AMBN: variants seen among roughly 807,000 people sequenced by gnomAD.
The protein encoded by AMBN is enamel matrix protein.
Under a neutral mutation model 48.0 loss-of-function variants are expected in AMBN, and 54 were observed. That is an observed-to-expected ratio of 1.12 (90% CI 0.90 to 1.41). The LOEUF (loss-of-function observed/expected upper bound fraction) is 1.41. Among genes scored for constraint, AMBN ranks in the 40% most tolerant of loss-of-function variants. The pLI, the probability that AMBN is intolerant of heterozygous loss-of-function variation, is 0.00. For missense variants in AMBN, 571 were observed against 547.3 expected (o/e 1.04, Z -0.43); for synonymous variants, 186 against 190.0 (o/e 0.98, Z 0.17).
Position 70,606,359 on chromosome 4 carries a change from G to A in AMBN, c.973G>A (p.Gly325Ser). 1 of 1,614,032 alleles carries A rather than the reference G, an allele frequency of 6.2e-7. No homozygotes were observed. Among genetic ancestry groups the A allele is most frequent in the Non-Finnish European group, 8.5e-7 (1 of 1,179,976 alleles). The change falls in exon 13 of 13, where the codon GGC (glycine) becomes AGC (serine). Residue 325 changes from glycine to serine, a missense_variant. Coordinates refer to ENST00000322937, the MANE Select transcript of AMBN (RefSeq NM_016519.6). ...TGAGAACGAAGAAGGAGGTGCACAA[G>A]GCTCCCCTATGCCGGAGGCCAACCC... ...GPENEEGGAQ[G>S]SPMPEANPDN...
chr4:70,600,783 C>G (rs1737503561), intron 5 of AMBN, among the ~76,000 whole-genome samples: 1 of 152,072 alleles, frequency 6.6e-6, no homozygotes, highest in Non-Finnish European at 1.5e-5. Flanking sequence ...ATTTTAGTTC[C>G]AGGCGGTCTT....
chr4:70,603,644 A>G (rs75194467), intron 11 of AMBN, among the ~76,000 whole-genome samples, 184 bp downstream of exon 11: 3 of 151,956 alleles, frequency 2.0e-5, no homozygotes, highest in Admixed American at 6.6e-5. Flanking sequence ...ACACACACAC[A>G]CACACGCACA....
At chr4:70,594,810 A>G (rs918015255) in intron 2 of AMBN, among the ~76,000 whole-genome samples, 2 of 152,200 alleles carry the variant, frequency 1.3e-5, no homozygotes. Flanking sequence ...ACCTGAATCA[A>G]TTGGGTCCAC....
rs2109798016 is a variant in AMBN, at chr4:70,592,313, T to G, written c.-46T>G. 1 of 1,611,492 alleles carries G rather than the reference T, an allele frequency of 6.2e-7. No homozygotes were observed. The highest frequency in any genetic ancestry group is 1.7e-4 in the Middle Eastern group (1 of 6,046). On this transcript the variant is annotated 5_prime_UTR_variant, in exon 1 of 13. Transcript: ENST00000322937. ...TGAAAAAAATTTTAATCTTCTTTTC[T>G]TAGAACTATCTTGGTTGGCATCATC...
At chr4:70,601,762 G>C in intron 6 of AMBN, 108 bp downstream of exon 6, 2 of 964,766 alleles carry the variant, frequency 2.1e-6, no homozygotes, top group Non-Finnish European at 3.2e-6. Flanking sequence ...CATAATACGT[G>C]ATATAAATAT....
rs112223321 is a variant in AMBN, at chr4:70,593,495, C to T, written c.84+100C>T. The T allele has an allele frequency of 5.7e-5, 57 of 1,008,828 alleles. No homozygotes were observed. The African/African-American group carries it at 6.6e-4, about 12-fold the overall frequency. 62.5% of individuals were successfully genotyped at this position (1,008,828 alleles called of 1,614,324 possible). A position where few individuals can be genotyped will look rare whatever the true frequency, so the allele number is the denominator to read the frequency against. ...GACTGAGAGTCCACGCATAGACTCACTTGATTTAATCCAGTGGTTTAGTCC... is the reference window on the plus strand; with the variant it reads ...GACTGAGAGTCCACGCATAGACTCATTTGATTTAATCCAGTGGTTTAGTCC... On this transcript the variant is annotated intron_variant, in intron 2 of 12. Transcript: ENST00000322937.
rs1455878390 is a variant in AMBN, at chr4:70,603,317, C to G, written c.706C>G (p.Pro236Ala). The G allele has an allele frequency of 2.2e-5, 36 of 1,613,496 alleles. No homozygotes were observed. The highest frequency in any genetic ancestry group is 2.5e-5 in the Non-Finnish European group (29 of 1,179,772). ...ACCAATGCCACAAAATAAACAATCT[C>G]CAGTAAGTTTTTTTTAATACCACAT... ...HGPMPQNKQS[P>A]LYPGMLYVPF... The change falls in exon 10 of 13, where the codon CCA becomes GCA. Residue 236 changes from proline (P) to alanine (A), a missense_variant and splice_region_variant. Coordinates refer to ENST00000322937, the MANE Select transcript of AMBN (RefSeq NM_016519.6).
rs369006341 is a variant in AMBN, at chr4:70,592,393, T to C, written c.15+20T>C. ...TCTAAGGTAAAATGGGATTTTATGA[T>C]TTCCATGTGTTTCCTGTAAATTCTT... On this transcript the variant is annotated intron_variant, in intron 1 of 12. Transcript: ENST00000322937. 2 of 1,613,582 alleles carry C rather than the reference T, an allele frequency of 1.2e-6. No homozygotes were observed. The highest frequency in any genetic ancestry group is 2.7e-5 in the African/African-American group (2 of 74,928).
chr4:70,599,940 C>A (rs1048764590), intron 5 of AMBN, among the ~76,000 whole-genome samples: 1 of 152,166 alleles, frequency 6.6e-6, no homozygotes, highest in Non-Finnish European at 1.5e-5. Flanking sequence ...ACATCCTGGA[C>A]AATTTTCATT....
At chr4:70,600,623 C>T (rs570793698) in intron 5 of AMBN, among the ~76,000 whole-genome samples, 1 of 152,274 alleles carries the variant, frequency 6.6e-6, no homozygotes, top group Non-Finnish European at 1.5e-5. Flanking sequence ...GCGAGACTTC[C>T]TTGCTGGTCT....
At chr4:70,599,055 G>A (rs557074479) in intron 4 of AMBN, among the ~76,000 whole-genome samples, 3 of 151,062 alleles carry the variant, frequency 2.0e-5, no homozygotes, top group Admixed American at 6.6e-5. Flanking sequence ...GATTAGAGGC[G>A]TGAGCCACCA....
In AMBN at chr4:70,603,015, G is replaced by A; in HGVS notation, c.648+5G>A. The A allele has an allele frequency of 6.2e-7, 1 of 1,602,556 alleles. No homozygotes were observed. Among genetic ancestry groups the A allele is most frequent in the Non-Finnish European group, 8.5e-7 (1 of 1,175,982 alleles). On this transcript the variant is annotated splice_donor_5th_base_variant and intron_variant, in intron 9 of 12. Transcript: ENST00000322937. Reference sequence around the variant, plus strand: ...GCTGATCCACAAGGTTCAACAGTAAGTACAGATCTCAATGAGACACTGTCT... The same window carrying A: ...GCTGATCCACAAGGTTCAACAGTAAATACAGATCTCAATGAGACACTGTCT...
At chr4:70,593,573 GGTAA>G (rs1467356876) in intron 2 of AMBN, among the ~76,000 whole-genome samples, 178 bp downstream of exon 2, 5 of 152,086 alleles carry the variant, frequency 3.3e-5, no homozygotes, top group Non-Finnish European at 7.4e-5. Context: ...ATCCAAAAGC[GGTAA>G]GTGATAGCCG....
Position 70,603,008 on chromosome 4 carries a change from A to T in AMBN, c.646A>T (p.Thr216Ser), listed in dbSNP as rs1427243406. 5 of 1,604,764 alleles carry T rather than the reference A, an allele frequency of 3.1e-6. No individual in the cohort carries two copies. The highest frequency in any genetic ancestry group is 2.2e-5 in the East Asian group (1 of 44,714). ...GGATTTTGCTGATCCACAAGGTTCA[A>T]CAGTAAGTACAGATCTCAATGAGAC... ...GLDFADPQGSTIFQIARLISH... is the reference protein window; with the variant it reads ...GLDFADPQGSSIFQIARLISH... The change falls in exon 9 of 13, where the codon ACA (threonine) becomes TCA (serine). Residue 216 changes from threonine to serine, a missense_variant and splice_region_variant. Transcript: ENST00000322937.
chr4:70,600,397 G>A (rs1737491617), intron 5 of AMBN, among the ~76,000 whole-genome samples: 2 of 151,866 alleles, frequency 1.3e-5, no homozygotes. Flanking sequence ...TTATTGATTA[G>A]GTGCCTAATA....
At chr4:70,600,822 C>T in intron 5 of AMBN, among the ~76,000 whole-genome samples, 1 of 152,186 alleles carries the variant, frequency 6.6e-6, no homozygotes, top group Non-Finnish European at 1.5e-5. Context: ...CACGAGGTCA[C>T]ATTCAGTAGA....
In AMBN at chr4:70,603,216, A is replaced by G. The variant is rs747854302; in HGVS notation, c.649-44A>G. On this transcript the variant is annotated intron_variant, in intron 9 of 12. Transcript: ENST00000322937. ...TACCTCAAAAATTACTGTTATGGGG[A>G]TGTGCCTGTGAGAATTACTTATTCT... 21 of 1,569,766 alleles carry G rather than the reference A, an allele frequency of 1.3e-5. No individual in the cohort carries two copies. In the Admixed American group the frequency reaches 3.2e-4, roughly 24 times the overall value.
rs758709641 is a variant in AMBN, at chr4:70,606,294, C to T, written c.908C>T (p.Thr303Ile). The T allele has an allele frequency of 8.7e-6, 14 of 1,613,982 alleles. No individual in the cohort carries two copies. Among genetic ancestry groups the T allele is most frequent in the Non-Finnish European group, 5.1e-6 (6 of 1,180,008 alleles). ...PHNPAMGGDF[T>I]LEFDSPVAAT... ...AACCCAGCTATGGGCGGTGACTTCA[C>T]TCTGGAATTTGACTCCCCAGTGGCT... Residue 303 changes from threonine (T) to isoleucine (I), a missense_variant, in exon 13 of 13, where the codon ACT becomes ATT. Physicochemically the swap from Thr to Ile is moderately conservative, Grantham distance 89. Transcript: ENST00000322937.
chr4:70,601,479 A>G lies in AMBN; in HGVS notation c.356A>G (p.Gln119Arg). ...PLPSQPSLKP[Q>R]QPGLKPFLQS... Reference sequence around the variant, plus strand: ...CCATCACAGCCATCCTTGAAGCCTCAACAGCCAGGACTGAAACCTTTTCTC... The same window carrying G: ...CCATCACAGCCATCCTTGAAGCCTCGACAGCCAGGACTGAAACCTTTTCTC... Residue 119 changes from glutamine (Q) to arginine (R), a missense_variant, in exon 6 of 13, where the codon CAA becomes CGA. Transcript: ENST00000322937. 1 of 1,614,162 alleles carries G rather than the reference A, an allele frequency of 6.2e-7. No individual in the cohort carries two copies. Among genetic ancestry groups the G allele is most frequent in the Non-Finnish European group, 8.5e-7 (1 of 1,180,000 alleles).
Sources: allele counts gnomAD v4.1 joint callset (sites outside exome capture counted in the v4.1 genomes callset), GRCh38; gene constraint gnomAD v4.1.1; transcripts MANE v1.5; gene names NCBI Gene and HGNC (gene_info 2026-07-23, HGNC 2026-07-21).